The following CTPS2 variants were observed in gnomAD, a reference collection of about 807,000 sequenced individuals.
CTPS2 encodes CTP synthase 2, also known as CTP synthase II.
A neutral mutation model predicts 46.8 loss-of-function variants in CTPS2; 19 were observed. That is an observed-to-expected ratio of 0.41 (90% CI 0.28 to 0.60). The LOEUF (loss-of-function observed/expected upper bound fraction) is 0.60. Among genes scored for constraint, CTPS2 ranks in the 20% least tolerant of loss-of-function variants. CTPS2 has a pLI of 0.35. For synonymous variants in CTPS2, 151 were observed against 165.2 expected (o/e 0.91, Z 0.66); for missense variants, 286 against 447.6 (o/e 0.64, Z 3.26).
intron 8 of CTPS2, among the ~76,000 whole-genome samples, chrX:16,684,680 G>A (rs1051716598): frequency 1.8e-4 from 20 of 111,490 alleles, no homozygotes; most frequent in African/African-American, 6.5e-4. Flanking sequence ...CTGATAAAAG[G>A]TCACTAAAAG....
intron 16 of CTPS2, among the ~76,000 whole-genome samples, chrX:16,615,875 C>A (rs1416626916): frequency 8.9e-6 from 1 of 111,969 alleles, no homozygotes; most frequent in Non-Finnish European, 1.9e-5. Context: ...TTGGTCATGA[C>A]CCTTATGATG....
intron 17 of CTPS2, among the ~76,000 whole-genome samples, chrX:16,598,465 G>A (rs1652838448): frequency 8.9e-6 from 1 of 111,787 alleles, no homozygotes; most frequent in South Asian, 3.7e-4. Context: ...TAGAAGAAAT[G>A]GATAAATTCC....
chrX:16,656,411 C>A (rs1932818967), intron 13 of CTPS2, among the ~76,000 whole-genome samples: 1 of 109,841 alleles, frequency 9.1e-6, no homozygotes. Flanking sequence ...TTTCCACTTT[C>A]CTTTTTTTTT....
chrX:16,688,803 A>T (rs1410808642), intron 8 of CTPS2, among the ~76,000 whole-genome samples: 1 of 111,220 alleles, frequency 9.0e-6, no homozygotes, highest in Non-Finnish European at 1.9e-5. Context: ...GAAGTTTAAA[A>T]CTGTTTAAGG....
rs5901588 is a variant in CTPS2, at chrX:16,593,477, C to CTTTT, written c.1692-2619_1692-2616dup. Among the ~76,000 whole-genome samples the CTTTT allele has an allele frequency of 7.8e-3, 664 of 85,184 alleles. 4 individuals are homozygous for CTTTT. The highest frequency in any genetic ancestry group is 0.013 in the Non-Finnish European group (556 of 44,414). The allele number at this position is 85,184 out of a possible 115,157, so 74.0% of individuals were successfully genotyped here. ...GAATTCCCTAACAGGTGAAATTTTACTTTTTTTTTTTTTTTTGAGGAAAGG... is the reference window on the plus strand; with the variant it reads ...GAATTCCCTAACAGGTGAAATTTTACTTTTTTTTTTTTTTTTTTTTGAGGAAAGG... On this transcript the variant is annotated intron_variant, in intron 17 of 18. Coordinates refer to ENST00000359276, the MANE Select transcript of CTPS2 (RefSeq NM_175859.3).
intron 9 of CTPS2, among the ~76,000 whole-genome samples, chrX:16,680,570 AAAAAG>A (rs1255427440): frequency 4.6e-5 from 5 of 109,738 alleles, no homozygotes; most frequent in Admixed American, 2.0e-4. Flanking sequence ...AAAAAAAAAG[AAAAAG>A]AAAAGAAAAG....
At chrX:16,607,247 C>T (rs1930026566) in intron 17 of CTPS2, among the ~76,000 whole-genome samples, 1 of 113,072 alleles carries the variant, frequency 8.8e-6, no homozygotes, top group African/African-American at 3.2e-5. Context: ...GTGTGAGAAT[C>T]TAAAATAACG....
chrX:16,622,683 A>G (rs1229651607), intron 14 of CTPS2, among the ~76,000 whole-genome samples: 1 of 111,616 alleles, frequency 9.0e-6, no homozygotes, highest in Non-Finnish European at 1.9e-5. Flanking sequence ...GGGGACTAGC[A>G]GGATATCATG....
At chrX:16,623,241 A>AG (rs1271992671) in intron 14 of CTPS2, among the ~76,000 whole-genome samples, 1 of 112,111 alleles carries the variant, frequency 8.9e-6, no homozygotes, top group Non-Finnish European at 1.9e-5. Context: ...CTCCTCAAGC[A>AG]TTTATCCTTT....
chrX:16,710,301 T>C (rs1031979047), intron 1 of CTPS2, among the ~76,000 whole-genome samples: 2 of 112,405 alleles, frequency 1.8e-5, no homozygotes, highest in African/African-American at 6.5e-5. Context: ...CATCTGTCCC[T>C]GCTTCATGGA....
intron 13 of CTPS2, chrX:16,650,995 T>A: frequency 8.3e-7 from 1 of 1,199,860 alleles, no homozygotes; most frequent in Non-Finnish European, 1.1e-6. Context: ...TCCCAATTTA[T>A]AAGACACCAG....
chrX:16,646,735 C>G (rs1478524176), intron 13 of CTPS2, among the ~76,000 whole-genome samples: 1 of 111,919 alleles, frequency 8.9e-6, no homozygotes, highest in Non-Finnish European at 1.9e-5. Context: ...AACACTGTAC[C>G]CTCTTCCTGA....
Position 16,683,208 on chromosome X carries a change from T to C in CTPS2, c.891A>G (p.Lys297=). 8.3e-7 allele frequency: 1 copy of C among 1,210,713 alleles called. No homozygotes were observed. The change falls in exon 9 of 19, where the codon AAA becomes AAG. Residue 297 remains lysine, a synonymous_variant. Transcript: ENST00000359276. ...TGCCAACCAGGGCTATGGAGCATATTTTCTGTAACCTTTCATACCTGGGAA... is the reference window on the plus strand; with the variant it reads ...TGCCAACCAGGGCTATGGAGCATATCTTCTGTAACCTTTCATACCTGGGAA... ...NMADRYERLQ[K]ICSIALVGKY...
Position 16,664,443 on chromosome X carries a change from T to TA in CTPS2, c.1296+3070dup, listed in dbSNP as rs907015746. Among the ~76,000 whole-genome samples, 12 of 109,416 alleles carry TA rather than the reference T, an allele frequency of 1.1e-4. No homozygotes were observed. In the South Asian group the frequency reaches 3.1e-3, roughly 28 times the overall value. ...TCATTATGGTTTGAGTTACAAGCTATAAAAAAAAAGAGTGAAGAATGCTTC... is the reference window on the plus strand; with the variant it reads ...TCATTATGGTTTGAGTTACAAGCTATAAAAAAAAAAGAGTGAAGAATGCTTC... On this transcript the variant is annotated intron_variant, in intron 13 of 18. Transcript: ENST00000359276.
chrX:16,616,145 T>C (rs1384300889), intron 16 of CTPS2, among the ~76,000 whole-genome samples: 2 of 112,216 alleles, frequency 1.8e-5, no homozygotes, highest in Non-Finnish European at 3.8e-5. Context: ...TGAGACCAGC[T>C]GTGACCATGA....
chrX:16,605,338 T>C (rs909829134), intron 17 of CTPS2, among the ~76,000 whole-genome samples: 2 of 111,918 alleles, frequency 1.8e-5, no homozygotes, highest in African/African-American at 6.5e-5. Flanking sequence ...AGAGAGATCA[T>C]AGGAAACGTG....
At chrX:16,662,012 A>ATG (rs57516382) in intron 13 of CTPS2, among the ~76,000 whole-genome samples, 23 of 105,434 alleles carry the variant, frequency 2.2e-4, no homozygotes, top group African/African-American at 8.1e-4. Flanking sequence ...ATATATATAT[A>ATG]TGCCTCAAAA....
intron 14 of CTPS2, among the ~76,000 whole-genome samples, chrX:16,631,765 C>T (rs1046411394): frequency 8.9e-5 from 10 of 111,885 alleles, no homozygotes; most frequent in African/African-American, 2.9e-4. Context: ...ATTTTAGAGA[C>T]ACTATCAAGT....
At chrX:16,596,031 T>C (rs1006031162) in intron 17 of CTPS2, among the ~76,000 whole-genome samples, 2 of 110,804 alleles carry the variant, frequency 1.8e-5, no homozygotes, top group Non-Finnish European at 3.8e-5. Context: ...ACCGTGCCCA[T>C]CTAACCTTTT....
Sources: gnomAD v4.1 joint callset for allele counts (sites outside exome capture counted in the v4.1 genomes callset) on GRCh38, gnomAD v4.1.1 for gene constraint, MANE v1.5 for transcripts, NCBI Gene and HGNC (gene_info 2026-07-23, HGNC 2026-07-21) for gene names.